EGFLAM: variants seen among roughly 807,000 people sequenced by gnomAD.
The protein encoded by EGFLAM is pikachurin.
A neutral mutation model predicts 113.1 loss-of-function variants in EGFLAM; 79 were observed. The observed-to-expected ratio is 0.70, with a 90% CI of 0.58 to 0.84. The LOEUF is 0.84. Among genes scored for constraint, EGFLAM ranks in the 40% least tolerant of loss-of-function variants. The probability of loss-of-function intolerance (pLI) is 0.00; values close to 1 mark genes in which losing one functional copy is unlikely to be tolerated. For synonymous variants in EGFLAM, 504 were observed against 487.6 expected (o/e 1.03, Z -0.44); for missense variants, 1,265 against 1,291.6 (o/e 0.98, Z 0.32).
intron 11 of EGFLAM, among the ~76,000 whole-genome samples, chr5:38,413,472 A>C (rs768051093): frequency 2.6e-5 from 4 of 151,980 alleles, no homozygotes; most frequent in Admixed American, 6.6e-5. Context: ...GGGGGGCCGT[A>C]ATTGTAGGAA....
intron 1 of EGFLAM, among the ~76,000 whole-genome samples, chr5:38,283,206 C>T (rs4434404): frequency 2.6e-5 from 4 of 152,042 alleles, no homozygotes; most frequent in Non-Finnish European, 4.4e-5. Flanking sequence ...TTGAATGACC[C>T]GTTCTCCAAT....
chr5:38,464,138 C>A lies in EGFLAM; in HGVS notation c.*152C>A. The A allele has an allele frequency of 2.9e-6, 3 of 1,028,398 alleles. No homozygotes were observed. The highest frequency in any genetic ancestry group is 4.1e-6 in the Non-Finnish European group (3 of 730,672). 63.7% of individuals were successfully genotyped at this position (1,028,398 alleles called of 1,614,324 possible). A position where few individuals can be genotyped will look rare whatever the true frequency, so the allele number is the denominator to read the frequency against. On this transcript the variant is annotated 3_prime_UTR_variant, in exon 22 of 22. Coordinates refer to ENST00000322350, the MANE Select transcript of EGFLAM (RefSeq NM_152403.4). ...TACACACTGATGAGAAACTGAGAAC[C>A]AAGACAGGCATCCCTGGGTGGCCTT...
chr5:38,414,447 C>G (rs1741578787), intron 11 of EGFLAM, among the ~76,000 whole-genome samples: 1 of 152,152 alleles, frequency 6.6e-6, no homozygotes, highest in Non-Finnish European at 1.5e-5. Context: ...TGTTAACAAA[C>G]AGGGTCATGT....
At chr5:38,390,214 G>T (rs1740775428) in intron 6 of EGFLAM, among the ~76,000 whole-genome samples, 1 of 152,030 alleles carries the variant, frequency 6.6e-6, no homozygotes, top group African/African-American at 2.4e-5. Flanking sequence ...ATATTTATTT[G>T]CAAACTTTAT....
At chr5:38,447,756 CAAAA>C (rs540815959) in intron 17 of EGFLAM, among the ~76,000 whole-genome samples, 1 of 69,430 alleles carries the variant, frequency 1.4e-5, no homozygotes. Flanking sequence ...AACTTTGTTT[CAAAA>C]AAAAAAAAAA....
rs999181374 is a variant in EGFLAM at position 38,258,688 on chromosome 5, G to A, written c.-67G>A. 24 of 1,528,764 alleles carry A rather than the reference G, an allele frequency of 1.6e-5. 1 individual carries two copies. The African/African-American group carries it at 3.0e-4, about 19-fold the overall frequency. The allele number at this position is 1,528,764 out of a possible 1,614,324, so 94.7% of individuals were successfully genotyped here. On this transcript the variant is annotated 5_prime_UTR_variant, in exon 1 of 22. Coordinates refer to ENST00000322350, the MANE Select transcript of EGFLAM (RefSeq NM_152403.4). ...TCCGTTGGGGCCGCGTCCCCCACGC[G>A]CCCCCGGAGACGCCCTTTCCGTGTG...
rs1045536 is a variant in EGFLAM at position 38,464,180 on chromosome 5, C to T, written c.*194C>T. Reference sequence around the variant, plus strand: ...GGTGGCCTTTCCTGCTGACACTCCACGAGCTGACCCAGCAGAATTCTCTGT... The same window carrying T: ...GGTGGCCTTTCCTGCTGACACTCCATGAGCTGACCCAGCAGAATTCTCTGT... On this transcript the variant is annotated 3_prime_UTR_variant, in exon 22 of 22. Transcript: ENST00000322350. The T allele has an allele frequency of 6.1e-3, 3,881 of 636,362 alleles. 103 individuals carry two copies. Among genetic ancestry groups the T allele is most frequent in the African/African-American group, 0.059 (3,230 of 54,554 alleles). 39.4% of individuals were successfully genotyped at this position (636,362 alleles called of 1,614,324 possible).
intron 14 of EGFLAM, among the ~76,000 whole-genome samples, chr5:38,428,493 C>T (rs1742087301): frequency 6.6e-6 from 1 of 152,202 alleles, no homozygotes; most frequent in Non-Finnish European, 1.5e-5. Context: ...TTAATTGATT[C>T]AATTTACATA....
chr5:38,303,597 TAAAGTAGTGAG>T, intron 1 of EGFLAM, among the ~76,000 whole-genome samples: 1 of 152,298 alleles, frequency 6.6e-6, no homozygotes, highest in East Asian at 1.9e-4. Context: ...TTGTCTTCCC[TAAAGTAGTGAG>T]CAGCCTAGCT....
rs142785574 is a variant in EGFLAM, at chr5:38,402,328, C to T, written c.713-3798C>T. ...GATAAAATCTAGCCCTGCCATTCCC[C>T]ATCTGTCTGCCTTGAGCAAGTTATT... is the stretch of plus-strand genomic sequence containing the variant. On this transcript the variant is annotated intron_variant, in intron 6 of 21. Coordinates refer to ENST00000322350, the MANE Select transcript of EGFLAM (RefSeq NM_152403.4). Among the ~76,000 whole-genome samples the T allele has an allele frequency of 6.4e-3, 982 of 152,304 alleles. 11 individuals are homozygous for T. Among genetic ancestry groups the T allele is most frequent in the African/African-American group, 0.023 (938 of 41,566 alleles).
chr5:38,460,750 C>CA (rs1355913157), intron 20 of EGFLAM, among the ~76,000 whole-genome samples: 1 of 152,118 alleles, frequency 6.6e-6, no homozygotes, highest in African/African-American at 2.4e-5. Context: ...TGGGTCAAGG[C>CA]CATGGATATC....
At chr5:38,437,190 T>C (rs773996249) in intron 16 of EGFLAM, among the ~76,000 whole-genome samples, 1 of 152,210 alleles carries the variant, frequency 6.6e-6, no homozygotes, top group African/African-American at 2.4e-5. Flanking sequence ...AAGGGAGCTC[T>C]TGAGCACCAG....
rs75822574 is a variant in EGFLAM at position 38,347,741 on chromosome 5, C to T, written c.292-2760C>T. The stretch of plus-strand genomic sequence containing the variant: ...AAGGATAAACAGGGGGACAAAAACA[C>T]GCTCTTCTAAGGGGTTTTAAAGTGT... On this transcript the variant is annotated intron_variant, in intron 3 of 21. Coordinates refer to ENST00000322350, the MANE Select transcript of EGFLAM (RefSeq NM_152403.4). Among the ~76,000 whole-genome samples, 540 of 152,208 alleles carry T rather than the reference C, an allele frequency of 3.5e-3. 19 individuals carry two copies. In the East Asian group the frequency reaches 0.072, roughly 20 times the overall value.
intron 17 of EGFLAM, among the ~76,000 whole-genome samples, chr5:38,445,281 G>A (rs1419456424): frequency 6.6e-6 from 1 of 152,182 alleles, no homozygotes; most frequent in East Asian, 1.9e-4. Context: ...GCCAAGAAAA[G>A]TAATAATCAT....
intron 12 of EGFLAM, among the ~76,000 whole-genome samples, chr5:38,419,087 G>A (rs1343132581): frequency 6.6e-6 from 1 of 152,138 alleles, no homozygotes; most frequent in Non-Finnish European, 1.5e-5. Flanking sequence ...CTGTGTGCTC[G>A]TGGGATCTTT....
chr5:38,335,080 G>A (rs916334401), intron 1 of EGFLAM, among the ~76,000 whole-genome samples: 2 of 152,108 alleles, frequency 1.3e-5, no homozygotes, highest in African/African-American at 4.8e-5. Context: ...TGTCAAGGTC[G>A]AGATACCATC....
intron 1 of EGFLAM, among the ~76,000 whole-genome samples, chr5:38,268,625 C>A (rs1035174739): frequency 6.6e-6 from 1 of 152,094 alleles, no homozygotes; most frequent in African/African-American, 2.4e-5. Context: ...GGCTTCTTTC[C>A]CATGGATATT....
chr5:38,259,078 A>G (rs1757433487), intron 1 of EGFLAM, among the ~76,000 whole-genome samples: 1 of 152,238 alleles, frequency 6.6e-6, no homozygotes, highest in Admixed American at 6.5e-5. Context: ...TTTTCCAGAC[A>G]TAGTAGATAG....
chr5:38,349,773 G>GCGCACACACACACACACA (rs1554049180), intron 3 of EGFLAM, among the ~76,000 whole-genome samples: 2 of 130,946 alleles, frequency 1.5e-5, no homozygotes, highest in Admixed American at 7.8e-5. Flanking sequence ...AAGTACACAC[G>GCGCACACACACACACACA]CACACACACA....
Sources: gnomAD v4.1 joint callset for allele counts (sites outside exome capture counted in the v4.1 genomes callset) on GRCh38, gnomAD v4.1.1 for gene constraint, MANE v1.5 for transcripts, NCBI Gene and HGNC (gene_info 2026-07-23, HGNC 2026-07-21) for gene names.